Variants in OPRM1 observed in about 807,000 individuals in gnomAD.
OPRM1 encodes the protein mu-type opioid receptor.
A neutral mutation model predicts 31.8 loss-of-function variants in OPRM1; 27 were observed. The ratio of observed to expected loss-of-function variants is 0.85; its 90% CI spans 0.63 to 1.17. The LOEUF is 1.17. Among genes scored for constraint, OPRM1 ranks in the 50% most tolerant of loss-of-function variants. OPRM1 has a pLI of 0.00. For synonymous variants in OPRM1, 196 were observed against 189.9 expected (o/e 1.03, Z -0.26); for missense variants, 536 against 511.1 (o/e 1.05, Z -0.47).
intron 3 of OPRM1, among the ~76,000 whole-genome samples, chr6:154,148,548 TGA>T (rs1426774375): frequency 6.6e-6 from 1 of 152,210 alleles, no homozygotes; most frequent in Admixed American, 6.5e-5. Context: ...CATTGCTGGC[TGA>T]GTCATCCTGC....
intron 3 of OPRM1, among the ~76,000 whole-genome samples, chr6:154,191,680 A>G (rs1350430960): frequency 8.6e-6 from 1 of 115,812 alleles, no homozygotes; most frequent in Non-Finnish European, 1.8e-5. Flanking sequence ...CCTCAACAAC[A>G]ACAACAACAA....
intron 1 of OPRM1, among the ~76,000 whole-genome samples, chr6:154,061,217 A>G (rs1305339782): frequency 1.3e-5 from 2 of 152,174 alleles, no homozygotes; most frequent in African/African-American, 2.4e-5. Flanking sequence ...CCAGTAAGTG[A>G]ATTAAATACT....
intron 1 of OPRM1, among the ~76,000 whole-genome samples, chr6:154,041,308 G>A (rs1207046419): frequency 6.6e-6 from 1 of 152,130 alleles, no homozygotes; most frequent in Non-Finnish European, 1.5e-5. Context: ...AAAAATGCAA[G>A]AAGATCGATG....
chr6:154,195,983 G>C lies in OPRM1; in HGVS notation c.1165-50710G>C, dbSNP rs192044542. Reference sequence around the variant, plus strand: ...ATTTTTGTATTTTTAGTAGAGACAGGGTTTTACTATGTTGGCCAGGCTGGT... The same window carrying C: ...ATTTTTGTATTTTTAGTAGAGACAGCGTTTTACTATGTTGGCCAGGCTGGT... On this transcript the variant is annotated intron_variant, in intron 3 of 3. Coordinates refer to the OPRM1 transcript ENST00000337049. Among the ~76,000 whole-genome samples the C allele has an allele frequency of 3.3e-5, 5 of 151,814 alleles. No homozygotes were observed. In the East Asian group the frequency reaches 7.8e-4, roughly 24 times the overall value.
At chr6:154,189,184 C>A (rs568887490) in intron 3 of OPRM1, among the ~76,000 whole-genome samples, 1 of 152,282 alleles carries the variant, frequency 6.6e-6, no homozygotes, top group East Asian at 1.9e-4. Flanking sequence ...CTTAGATGTG[C>A]TAATCCATAA....
chr6:154,074,157 C>G (rs1205423713), intron 1 of OPRM1: 1 of 152,180 alleles, frequency 6.6e-6, no homozygotes, highest in Non-Finnish European at 1.5e-5. Flanking sequence ...AATCCTGGCT[C>G]TGACAACAAT....
chr6:154,144,576 G>A (rs1053225852), intron 3 of OPRM1, among the ~76,000 whole-genome samples: 117 of 151,772 alleles, frequency 7.7e-4, no homozygotes, highest in Non-Finnish European at 8.7e-4. Context: ...GTGAAACCCC[G>A]TCTCTACTAA....
chr6:154,027,353 G>A (rs7751510), intron 1 of OPRM1, among the ~76,000 whole-genome samples: 6 of 152,184 alleles, frequency 3.9e-5, no homozygotes, highest in South Asian at 4.1e-4. Context: ...TGTTCTGAGC[G>A]ATGTGGAGCT....
chr6:154,090,873 G>A, intron 2 of OPRM1, 79 bp from the exon 3 acceptor site: 1 of 1,304,666 alleles, frequency 7.7e-7, no homozygotes, highest in East Asian at 2.3e-5. Context: ...AAAAATGAAT[G>A]AGCAAAATGG....
At chr6:154,203,968 T>G (rs182742321) in intron 3 of OPRM1, among the ~76,000 whole-genome samples, 1 of 152,300 alleles carries the variant, frequency 6.6e-6, no homozygotes, top group East Asian at 1.9e-4. Context: ...CCTGACAAAA[T>G]GTTCTCATAA....
At chr6:154,100,950 T>C (rs943888596) in intron 3 of OPRM1, among the ~76,000 whole-genome samples, 2 of 148,952 alleles carry the variant, frequency 1.3e-5, no homozygotes, top group East Asian at 3.9e-4. Context: ...TAAATATATA[T>C]ACACACATAT....
At chr6:154,048,430 A>C (rs1781576324) in intron 1 of OPRM1, among the ~76,000 whole-genome samples, 1 of 152,158 alleles carries the variant, frequency 6.6e-6, no homozygotes, top group African/African-American at 2.4e-5. Context: ...CTGCAATATA[A>C]CCCAAAATAC....
intron 3 of OPRM1, chr6:154,093,470 G>T: frequency 6.2e-7 from 1 of 1,612,852 alleles, no homozygotes; most frequent in South Asian, 1.1e-5. Context: ...TCAGTTGCCC[G>T]ACACTGCCCT....
rs562254009 is a variant in OPRM1, at chr6:154,216,477, T to C, written c.1165-30216T>C. On this transcript the variant is annotated intron_variant, in intron 3 of 3. Coordinates refer to the OPRM1 transcript ENST00000337049. ...ATTGAGAAGATCAAGCATAGAATAG[T>C]ATGTTTAGCCTGATCCACTGTACTT... Among the ~76,000 whole-genome samples, 4 of 152,320 alleles carry C rather than the reference T, an allele frequency of 2.6e-5. No individual in the cohort carries two copies. In the South Asian group the frequency reaches 8.3e-4, roughly 32 times the overall value.
intron 1 of OPRM1, among the ~76,000 whole-genome samples, chr6:154,012,251 GTTT>G (rs1777769876): frequency 6.6e-6 from 1 of 152,094 alleles, no homozygotes; most frequent in African/African-American, 2.4e-5. Context: ...ATAAACATTA[GTTT>G]TCTAATCACT....
chr6:154,038,511 A>C (rs577899230), upstream of OPRM1, among the ~76,000 whole-genome samples: 35 of 152,368 alleles, frequency 2.3e-4, no homozygotes, highest in African/African-American at 8.4e-4. Context: ...ACTAGAAAAC[A>C]GACTGAATGC....
intron 1 of OPRM1, among the ~76,000 whole-genome samples, chr6:154,053,467 T>A (rs931948081): frequency 1.3e-5 from 2 of 152,194 alleles, no homozygotes; most frequent in African/African-American, 2.4e-5. Context: ...TTAAAAAAAA[T>A]GTTTTCTGCA....
In OPRM1 at chr6:154,053,548, A is replaced by G. The variant is rs1583251393; in HGVS notation, c.290+13714A>G. ...ACTCAGACTGTCTAGCTGGGTAAAA[A>G]GGAGTGCTAGGGTAGGCCAAGGTAT... On this transcript the variant is annotated intron_variant, in intron 1 of 3. Coordinates refer to ENST00000330432, the MANE Select transcript of OPRM1 (RefSeq NM_000914.5). 2.6e-5 allele frequency among the ~76,000 whole-genome samples: 4 copies of G among 152,338 alleles called. No individual in the cohort carries two copies. In the South Asian group the frequency reaches 6.2e-4, roughly 24 times the overall value.
chr6:154,039,905 C>G (rs964881926), intron 1 of OPRM1, 71 bp downstream of exon 1: 13 of 1,392,814 alleles, frequency 9.3e-6, no homozygotes, highest in Middle Eastern at 2.0e-4. Context: ...CACCTAACTC[C>G]CAAGGCTCAA....
Sources: allele counts gnomAD v4.1 joint callset (sites outside exome capture counted in the v4.1 genomes callset), GRCh38; gene constraint gnomAD v4.1.1; transcripts MANE v1.5; gene names NCBI Gene and HGNC (gene_info 2026-07-23, HGNC 2026-07-21).